Variants in ATP1A4 observed in about 807,000 individuals in gnomAD.
ATP1A4 encodes the protein sodium/potassium-transporting ATPase subunit alpha-4.
Under a neutral mutation model 114.3 loss-of-function variants are expected in ATP1A4, and 90 were observed. That is an observed-to-expected ratio of 0.79 (90% CI 0.66 to 0.94). ATP1A4 has a LOEUF of 0.94. Ranked by LOEUF, ATP1A4 falls within the 40% of genes least tolerant of loss-of-function variation. The pLI is 0.00. For missense variants in ATP1A4, 1,222 were observed against 1,313.6 expected, an observed-to-expected ratio of 0.93 and a Z score of 1.08; for synonymous variants, 511 against 494.1, an observed-to-expected ratio of 1.03 and a Z score of -0.45.
chr1:160,171,199 T>C (rs1308048993), intron 10 of ATP1A4, 52 bp from the exon 11 acceptor site: 6 of 1,503,624 alleles, frequency 4.0e-6, no homozygotes, highest in Non-Finnish European at 5.4e-6. Context: ...TTTTTGCCCC[T>C]GATCCTTGGT....
chr1:160,168,485 G>A (rs1296090902), intron 10 of ATP1A4, among the ~76,000 whole-genome samples: 7 of 149,652 alleles, frequency 4.7e-5, no homozygotes. Flanking sequence ...TGGGTTCAAG[G>A]GATTCTCCTG....
At chr1:160,152,866 G>A (rs993781794) in intron 1 of ATP1A4, among the ~76,000 whole-genome samples, 2 of 151,848 alleles carry the variant, frequency 1.3e-5, no homozygotes, top group South Asian at 2.1e-4. Context: ...GTGAAACCCC[G>A]CCTCTAAAAA....
chr1:160,182,072 C>G (rs369701470), intron 20 of ATP1A4, 41 bp downstream of exon 20: 1 of 1,503,988 alleles, frequency 6.6e-7, no homozygotes, highest in East Asian at 2.3e-5. Flanking sequence ...TGTGCAGGCA[C>G]GGGGGAGCAT....
rs761721153 is a variant in ATP1A4, at chr1:160,171,289, C to G, written c.1530C>G (p.His510Gln). 4 of 1,614,014 alleles carry G rather than the reference C, an allele frequency of 2.5e-6. No individual in the cohort carries two copies. Among genetic ancestry groups the G allele is most frequent in the East Asian group, 4.5e-5 (2 of 44,882 alleles). The change falls in exon 11 of 22, where the codon CAC (histidine) becomes CAG (glutamine). Residue 510 changes from histidine to glutamine, a missense_variant. His to Gln is a conservative substitution (Grantham distance 24, BLOSUM62 0). Coordinates refer to ENST00000368081, the MANE Select transcript of ATP1A4 (RefSeq NM_144699.4). ...TTCGGGAGGACAGCTCCCAGACCCA[C>G]GTACTGATGATGAAGGGTGCTCCGG... Reference protein sequence around the residue: ...IHLREDSSQTHVLMMKGAPER... With the variant: ...IHLREDSSQTQVLMMKGAPER...
At chr1:160,182,360 A>G (rs1426296819) in intron 20 of ATP1A4, among the ~76,000 whole-genome samples, 2 of 152,188 alleles carry the variant, frequency 1.3e-5, no homozygotes, top group Non-Finnish European at 2.9e-5. Context: ...AGTAACCATA[A>G]AAATAGCCTA....
At chr1:160,173,944 G>A (rs1370840610) in intron 13 of ATP1A4, among the ~76,000 whole-genome samples, 167 bp from the exon 14 acceptor site, 1 of 152,158 alleles carries the variant, frequency 6.6e-6, no homozygotes, top group Non-Finnish European at 1.5e-5. Flanking sequence ...TGGCAAAAGT[G>A]TGGGGAGGGA....
intron 4 of ATP1A4, among the ~76,000 whole-genome samples, chr1:160,156,475 T>C (rs1039370940): frequency 1.4e-5 from 2 of 139,674 alleles, no homozygotes; most frequent in Non-Finnish European, 3.1e-5. Flanking sequence ...GGGAGCGGGG[T>C]GCGGTGGGGG....
Position 160,181,973 on chromosome 1 carries a change from G to A in ATP1A4, c.2911G>A (p.Ala971Thr), listed in dbSNP as rs1417215876. 5 of 1,614,148 alleles carry A rather than the reference G, an allele frequency of 3.1e-6. No individual in the cohort carries two copies. The highest frequency in any genetic ancestry group is 4.2e-6 in the Non-Finnish European group (5 of 1,180,014). ...TGGGATCCTGGAGGAGACACTCTTG[G>A]CTGCATTTCTGTCCTACACTCCAGG... ...IFGILEETLL[A>T]AFLSYTPGMD... The change falls in exon 20 of 22, where the codon GCT becomes ACT. Residue 971 changes from alanine (A) to threonine (T), a missense_variant. Ala to Thr is a moderately conservative substitution (Grantham distance 58). Coordinates refer to ENST00000368081, the MANE Select transcript of ATP1A4 (RefSeq NM_144699.4).
intron 4 of ATP1A4, among the ~76,000 whole-genome samples, chr1:160,156,941 T>C (rs1183442535): frequency 2.0e-5 from 3 of 152,128 alleles, no homozygotes; most frequent in Non-Finnish European, 4.4e-5. Flanking sequence ...AGTGAGACCT[T>C]ATCTCTACAA....
chr1:160,155,272 G>A, intron 3 of ATP1A4, 24 bp downstream of exon 3: 1 of 1,595,264 alleles, frequency 6.3e-7, no homozygotes, highest in Non-Finnish European at 8.6e-7. Flanking sequence ...GCTACTACTA[G>A]CCAGCCCTAT....
Position 160,159,508 on chromosome 1 carries a change from T to C in ATP1A4, c.760T>C (p.Ser254Pro), listed in dbSNP as rs1652795998. ...PLETRNICFFSTNCVEGTARG... is the reference protein window; with the variant it reads ...PLETRNICFFPTNCVEGTARG... ...GGAGACCCGAAACATCTGCTTCTTT[T>C]CCACCAACTGTGTGGAAGGTGAATA... is the stretch of plus-strand genomic sequence containing the variant. Residue 254 changes from serine (S) to proline (P), a missense_variant, in exon 6 of 22, where the codon TCC becomes CCC. By Grantham distance (74) the Ser-to-Pro change is moderately conservative (BLOSUM62 -1). Transcript: ENST00000368081. The C allele has an allele frequency of 6.2e-7, 1 of 1,613,502 alleles. No individual in the cohort carries two copies. The highest frequency in any genetic ancestry group is 1.7e-5 in the Admixed American group (1 of 59,878).
At chr1:160,176,738 A>G in intron 17 of ATP1A4, 136 bp downstream of exon 17, 1 of 1,183,724 alleles carries the variant, frequency 8.4e-7, no homozygotes, top group East Asian at 2.6e-5. Flanking sequence ...AACACAAAGA[A>G]CCACTCATCT....
In ATP1A4 at chr1:160,171,396, A is replaced by C; in HGVS notation, c.1637A>C (p.Gln546Pro). Reference protein sequence around the residue: ...SMNDEMKEAFQNAYLELGGLG... With the variant: ...SMNDEMKEAFPNAYLELGGLG... ...AACGATGAAATGAAGGAAGCCTTCC[A>C]AAATGCCTACTTAGAACTGGGAGGT... Residue 546 changes from glutamine to proline, a missense_variant, in exon 11 of 22, where the codon CAA (glutamine) becomes CCA (proline). Physicochemically the swap from Gln to Pro is moderately conservative, Grantham distance 76. Coordinates refer to ENST00000368081, the MANE Select transcript of ATP1A4 (RefSeq NM_144699.4). The C allele has an allele frequency of 6.2e-7, 1 of 1,614,208 alleles. No homozygotes were observed. Among genetic ancestry groups the C allele is most frequent in the Non-Finnish European group, 8.5e-7 (1 of 1,180,034 alleles).
intron 18 of ATP1A4, 25 bp from the exon 19 acceptor site, chr1:160,181,659 T>C: frequency 1.2e-6 from 2 of 1,613,332 alleles, no homozygotes; most frequent in Non-Finnish European, 1.7e-6. Flanking sequence ...TCTGACACTG[T>C]TTCCTCTCTC....
chr1:160,186,084 C>T lies in ATP1A4; in HGVS notation c.2970-192C>T, dbSNP rs546416338. On this transcript the variant is annotated intron_variant, in intron 20 of 21. Coordinates refer to ENST00000368081, the MANE Select transcript of ATP1A4 (RefSeq NM_144699.4). ...CCTGGGCAACAGAACAAGACTCTGTCGCAAAAAAAAAAAAAAAAAAAAAAG... is the reference window on the plus strand; with the variant it reads ...CCTGGGCAACAGAACAAGACTCTGTTGCAAAAAAAAAAAAAAAAAAAAAAG... Among the ~76,000 whole-genome samples the T allele has an allele frequency of 5.1e-4, 12 of 23,552 alleles. 1 individual carries two copies. In the East Asian group the frequency reaches 0.065, roughly 128 times the overall value. The allele number at this position is 23,552 out of a possible 152,430, so 15.5% of individuals were successfully genotyped here.
At chr1:160,154,114 T>C (rs1652552673) in intron 2 of ATP1A4, among the ~76,000 whole-genome samples, 1 of 152,196 alleles carries the variant, frequency 6.6e-6, no homozygotes, top group Admixed American at 6.5e-5. Context: ...CTCACACCTG[T>C]AATCCAAGGC....
intron 4 of ATP1A4, among the ~76,000 whole-genome samples, chr1:160,157,726 G>A (rs1022666475): frequency 1.3e-5 from 2 of 152,224 alleles, no homozygotes; most frequent in African/African-American, 4.8e-5. Context: ...TACACAGAGA[G>A]AGAGAGGATG....
intron 10 of ATP1A4, among the ~76,000 whole-genome samples, chr1:160,168,857 G>A (rs970262693): frequency 6.6e-6 from 1 of 152,148 alleles, no homozygotes; most frequent in South Asian, 2.1e-4. Context: ...GATGTTTAGT[G>A]GCCTCACTAG....
At position 160,159,451 on chromosome 1, in the gene ATP1A4, C is replaced by T. The variant is rs567508649; in HGVS notation, c.703C>T (p.Arg235Cys). 2.0e-5 allele frequency: 33 copies of T among 1,613,934 alleles called. 1 individual carries two copies. In the South Asian group the frequency reaches 3.0e-4, roughly 15 times the overall value. The change falls in exon 6 of 22, where the codon CGC becomes TGC. Residue 235 changes from arginine (R) to cysteine (C), a missense_variant. Transcript: ENST00000368081. ...SLTGESEPQSRSPDFTHENPL... is the reference protein window; with the variant it reads ...SLTGESEPQSCSPDFTHENPL... ...GACTGGGGAGTCAGAACCCCAGAGCCGCTCCCCTGACTTCACCCATGAGAA... is the reference window on the plus strand; with the variant it reads ...GACTGGGGAGTCAGAACCCCAGAGCTGCTCCCCTGACTTCACCCATGAGAA...
Sources: allele counts gnomAD v4.1 joint callset (sites outside exome capture counted in the v4.1 genomes callset), GRCh38; gene constraint gnomAD v4.1.1; transcripts MANE v1.5; gene names NCBI Gene and HGNC (gene_info 2026-07-23, HGNC 2026-07-21).